Variants in PLEKHM1 observed in about 807,000 individuals in gnomAD.
The protein encoded by PLEKHM1 is pleckstrin homology domain-containing family M member 1.
Under a neutral mutation model 94.3 loss-of-function variants are expected in PLEKHM1, and 28 were observed. That is an observed-to-expected ratio of 0.30 (90% CI 0.22 to 0.41). PLEKHM1 has a LOEUF of 0.41. Among genes scored for constraint, PLEKHM1 ranks in the 10% least tolerant of loss-of-function variants. PLEKHM1 has a pLI of 1.00. For missense variants in PLEKHM1, 907 were observed against 1,358.6 expected, an observed-to-expected ratio of 0.67 and a Z score of 5.22; for synonymous variants, 424 against 581.2, an observed-to-expected ratio of 0.73 and a Z score of 3.89.
Position 45,468,797 on chromosome 17 carries a change from G to T in PLEKHM1, c.924-204C>A, listed in dbSNP as rs1228211719. On this transcript the variant is annotated intron_variant, in intron 4 of 11. Coordinates refer to ENST00000430334, the MANE Select transcript of PLEKHM1 (RefSeq NM_014798.3). ...TTCCTGGCCAGGATTTAGGCAGACT[G>T]CGTGGACAGGTGATTTGTGGAGCCT... 2.0e-5 allele frequency among the ~76,000 whole-genome samples: 3 copies of T among 152,174 alleles called. No individual in the cohort carries two copies. The East Asian group carries it at 5.8e-4, about 29-fold the overall frequency.
rs2050579220 is a variant in PLEKHM1, at chr17:45,445,529, C to T, written c.2778G>A (p.Lys926=). 2 of 1,613,792 alleles carry T rather than the reference C, an allele frequency of 1.2e-6. No homozygotes were observed. Among genetic ancestry groups the T allele is most frequent in the African/African-American group, 1.3e-5 (1 of 74,944 alleles). The change falls in exon 9 of 12, where the codon AAG becomes AAA. Residue 926 remains lysine, a synonymous_variant. Coordinates refer to ENST00000430334, the MANE Select transcript of PLEKHM1 (RefSeq NM_014798.3). The surrounding 1 kb of genome is among the most constrained non-coding windows in gnomAD (Gnocchi z 4.2). ...HLIGRRREQL[K]LLGDYLGLCR... ...ACAGGCCCAGGTAATCCCCCAGGAG[C>T]TTCAGCTGCTCCCGTCTCCTCCCAA... is the stretch of plus-strand genomic sequence containing the variant.
intron 3 of PLEKHM1, 198 bp from the exon 4 acceptor site, chr17:45,475,924 G>C: frequency 1.5e-6 from 1 of 658,794 alleles, no homozygotes; most frequent in South Asian, 1.8e-5. Flanking sequence ...AAGGCAGGTG[G>C]ATCACTTGAG....
In PLEKHM1 at chr17:45,453,247, G is replaced by C. The variant is rs1214822366; in HGVS notation, c.2497+108C>G. ...TCTGTGGCCTCATCCCTAGGGGAAG[G>C]ATGGGGGCATTTGCGGGGAGGCAGA... is the stretch of plus-strand genomic sequence containing the variant. On this transcript the variant is annotated intron_variant, in intron 7 of 11. Transcript: ENST00000430334. This position sits in a 1 kb window ranked among gnomAD's most constrained non-coding sequence, Gnocchi z 4.1. 3.3e-6 allele frequency: 3 copies of C among 906,852 alleles called. No individual in the cohort carries two copies. The highest frequency in any genetic ancestry group is 4.0e-5 in the Admixed American group (2 of 50,218). The allele number at this position is 906,852 out of a possible 1,614,324, so 56.2% of individuals were successfully genotyped here. A position where few individuals can be genotyped will look rare whatever the true frequency, so the allele number is the denominator to read the frequency against.
At chr17:45,480,499 C>CA (rs1411289980) in intron 2 of PLEKHM1, among the ~76,000 whole-genome samples, 9 of 151,736 alleles carry the variant, frequency 5.9e-5, no homozygotes, top group Middle Eastern at 3.4e-3. Context: ...AACAAAAAAA[C>CA]AAAAAAACAA....
intron 1 of PLEKHM1, among the ~76,000 whole-genome samples, chr17:45,489,502 C>G (rs1412568467): frequency 2.0e-5 from 3 of 152,188 alleles, no homozygotes. Flanking sequence ...CTCTCACCTT[C>G]CAGATATTTG....
At chr17:45,450,283 T>C (rs2050740833) in intron 8 of PLEKHM1, among the ~76,000 whole-genome samples, 1 of 152,234 alleles carries the variant, frequency 6.6e-6, no homozygotes, top group African/African-American at 2.4e-5. Flanking sequence ...CCATCCACCA[T>C]CCATCTATCT....
In PLEKHM1 at chr17:45,475,518, G is replaced by A; in HGVS notation, c.505C>T (p.Gln169Ter). 6.2e-7 allele frequency: 1 copy of A among 1,611,640 alleles called. No homozygotes were observed. ...TCGAAGGACAAGGACGTGAGGCCCT[G>A]CAGGAAGCTAAGGAGGAACTCGCCC... ...EEGEFLLSFLQGLTSLSFELS... is the reference protein window; with the variant it reads ...EEGEFLLSFL Residue 169 changes from glutamine to a stop codon, truncating the protein, a stop_gained, in exon 4 of 12, where the codon CAG becomes TAG. Coordinates refer to ENST00000430334, the MANE Select transcript of PLEKHM1 (RefSeq NM_014798.3). LOFTEE classifies it high-confidence loss of function.
At position 45,475,279 on chromosome 17, in the gene PLEKHM1, A is replaced by G. The variant is rs1329809944; in HGVS notation, c.744T>C (p.Thr248=). ...CCGTGTCCAGGCTGAGGGAGGAGGCAGTCAGCTTCTGGTTCCTCCGTATCT... is the reference window on the plus strand; with the variant it reads ...CCGTGTCCAGGCTGAGGGAGGAGGCGGTCAGCTTCTGGTTCCTCCGTATCT... ...GHKIRRNQKL[T]ASSLSLDTAS... is the part of the protein sequence containing the mutation. Residue 248 remains threonine, a synonymous_variant, in exon 4 of 12, where the codon ACT becomes ACC. Coordinates refer to ENST00000430334, the MANE Select transcript of PLEKHM1 (RefSeq NM_014798.3). 6.2e-7 allele frequency: 1 copy of G among 1,613,886 alleles called. No homozygotes were observed. Among genetic ancestry groups the G allele is most frequent in the Non-Finnish European group, 8.5e-7 (1 of 1,179,884 alleles).
chr17:45,473,435 AAAAAT>A (rs2051583106), intron 4 of PLEKHM1, among the ~76,000 whole-genome samples: 3 of 152,336 alleles, frequency 2.0e-5, no homozygotes, highest in South Asian at 2.1e-4. Flanking sequence ...TATAAAAAAT[AAAAAT>A]AAAAGAATGA....
At chr17:45,461,176 C>T (rs1002584868) in intron 5 of PLEKHM1, among the ~76,000 whole-genome samples, 1 of 152,198 alleles carries the variant, frequency 6.6e-6, no homozygotes, top group African/African-American at 2.4e-5. Context: ...CATGAGCGAC[C>T]GCGCCCAGCC....
rs1231918134 is a variant in PLEKHM1, at chr17:45,475,426, G to A, written c.597C>T (p.Cys199=). ...AGAGAGGGTCCAGCTCAGAAAGCGG[G>A]CAAAGCCCAGACAGGGCCAATGGGG... ...TLTPLALSGL[C]PLSELDPLST... Residue 199 remains cysteine, a synonymous_variant, in exon 4 of 12, where the codon TGC becomes TGT. Transcript: ENST00000430334. The A allele has an allele frequency of 1.2e-6, 2 of 1,610,544 alleles. No homozygotes were observed. The highest frequency in any genetic ancestry group is 1.7e-6 in the Non-Finnish European group (2 of 1,176,792).
rs535590198 is a variant in PLEKHM1, at chr17:45,480,581, G to C, written c.48+1856C>G. On this transcript the variant is annotated intron_variant, in intron 2 of 11. Transcript: ENST00000430334. ...TGTATATTAGTGATTGCCAGGGGCT[G>C]GGAGAAAGGGGAATACGAAGTGAAT... Among the ~76,000 whole-genome samples, 265 of 152,358 alleles carry C rather than the reference G, an allele frequency of 1.7e-3. 1 individual carries two copies. Among genetic ancestry groups the C allele is most frequent in the Non-Finnish European group, 2.7e-3 (187 of 68,034 alleles).
intron 11 of PLEKHM1, among the ~76,000 whole-genome samples, chr17:45,438,194 T>A (rs2050329841): frequency 6.6e-6 from 1 of 152,260 alleles, no homozygotes; most frequent in African/African-American, 2.4e-5. Context: ...TTGCATTTTT[T>A]ATAAATGCTG....
rs759260422 is a variant in PLEKHM1 at position 45,437,904 on chromosome 17, C to T, written c.3125G>A (p.Arg1042His). The change falls in exon 12 of 12, where the codon CGC becomes CAC. Residue 1042 changes from arginine to histidine, a missense_variant. Arg to His is a conservative substitution (Grantham distance 29). Around this residue, in one of 3 missense-constraint regions of PLEKHM1, gnomAD observed 254 missense variants for 451.1 expected, o/e 0.56. Coordinates refer to ENST00000430334, the MANE Select transcript of PLEKHM1 (RefSeq NM_014798.3). This position sits in a 1 kb window ranked among gnomAD's most constrained non-coding sequence, Gnocchi z 4.0. ...CQAVVKKGCP[R>H]CARRRKYQEQ... Reference sequence around the variant, plus strand: ...CTGGTACTTGCGCCGGCGGGCACAGCGGGGGCAGCCCTTCTTCACCACAGC... The same window carrying T: ...CTGGTACTTGCGCCGGCGGGCACAGTGGGGGCAGCCCTTCTTCACCACAGC... 2.5e-6 allele frequency: 4 copies of T among 1,613,910 alleles called. No individual in the cohort carries two copies. Among genetic ancestry groups the T allele is most frequent in the East Asian group, 2.2e-5 (1 of 44,882 alleles).
At position 45,480,901 on chromosome 17, in the gene PLEKHM1, A is replaced by G. The variant is rs138857951; in HGVS notation, c.48+1536T>C. On this transcript the variant is annotated intron_variant, in intron 2 of 11. Transcript: ENST00000430334. ...ATGAACATCCATGTACAAGTTTTTG[A>G]GTGGACTTATATTTCTAGTTCTCTT... is the stretch of plus-strand genomic sequence containing the variant. Among the ~76,000 whole-genome samples the G allele has an allele frequency of 5.2e-3, 785 of 152,316 alleles. 8 individuals are homozygous for G. The highest frequency in any genetic ancestry group is 0.018 in the African/African-American group (744 of 41,558).
At chr17:45,472,047 T>C (rs2051530215) in intron 4 of PLEKHM1, among the ~76,000 whole-genome samples, 1 of 152,204 alleles carries the variant, frequency 6.6e-6, no homozygotes, top group South Asian at 2.1e-4. Context: ...CTTTTCTTTA[T>C]GTTTGATTTG....
At chr17:45,468,905 C>T (rs1429679214) in intron 4 of PLEKHM1, among the ~76,000 whole-genome samples, 1 of 152,046 alleles carries the variant, frequency 6.6e-6, no homozygotes, top group Non-Finnish European at 1.5e-5. Context: ...AGCAGGCTAG[C>T]TGTGGGCCTG....
At position 45,454,033 on chromosome 17, in the gene PLEKHM1, C is replaced by G; in HGVS notation, c.1819G>C (p.Ala607Pro). The G allele has an allele frequency of 6.2e-7, 1 of 1,614,128 alleles. No homozygotes were observed. The highest frequency in any genetic ancestry group is 1.6e-4 in the Middle Eastern group (1 of 6,062). Reference sequence around the variant, plus strand: ...TCCTCAGCTTCGTCCTGGGAGGAGGCGCGCAGGGCCAGCTTCTTGCCAGAG... The same window carrying G: ...TCCTCAGCTTCGTCCTGGGAGGAGGGGCGCAGGGCCAGCTTCTTGCCAGAG... The part of the protein sequence containing the change: ...VFSGKKLALR[A>P]SSQDEAEDWL... Residue 607 changes from alanine (A) to proline (P), a missense_variant, in exon 7 of 12, where the codon GCC (alanine) becomes CCC (proline). Physicochemically the swap from Ala to Pro is conservative, Grantham distance 27. This residue lies in a region of PLEKHM1 where 477 missense variants were observed against 601.5 expected (regional missense o/e 0.79). Transcript: ENST00000430334.
In PLEKHM1 at chr17:45,439,178, C is replaced by T. The variant is rs371762459; in HGVS notation, c.3059+299G>A. Reference sequence around the variant, plus strand: ...CTCAACCCATGCATACACTGAGGCGCCAGGAGGCTCCACTCAGAGAGCCGG... The same window carrying T: ...CTCAACCCATGCATACACTGAGGCGTCAGGAGGCTCCACTCAGAGAGCCGG... On this transcript the variant is annotated intron_variant, in intron 11 of 11. Transcript: ENST00000430334. Among the ~76,000 whole-genome samples, 13 of 152,352 alleles carry T rather than the reference C, an allele frequency of 8.5e-5. No homozygotes were observed. The East Asian group carries it at 1.5e-3, about 18-fold the overall frequency.
Sources: allele counts gnomAD v4.1 joint callset (sites outside exome capture counted in the v4.1 genomes callset), GRCh38; gene constraint gnomAD v4.1.1; regional missense constraint gnomAD v4.1.1; non-coding constraint Gnocchi (gnomAD v3.1); transcripts MANE v1.5; gene names NCBI Gene and HGNC (gene_info 2026-07-23, HGNC 2026-07-21).